The following ZFHX4 variants were observed in gnomAD, a reference collection of about 807,000 sequenced individuals.
ZFHX4 encodes the protein zinc finger homeobox protein 4.
In ZFHX4, 56 loss-of-function variants were observed where a neutral mutation model predicts 267.6. The observed-to-expected ratio is 0.21, with a 90% CI of 0.17 to 0.26. The LOEUF (loss-of-function observed/expected upper bound fraction) is 0.26. Ranked by LOEUF, ZFHX4 falls within the 10% of genes least tolerant of loss-of-function variation. The probability of loss-of-function intolerance (pLI) is 1.00; values close to 1 mark genes in which losing one functional copy is unlikely to be tolerated. For missense variants in ZFHX4, 4,332 were observed against 4,420.0 expected (o/e 0.98, Z 0.56); for synonymous variants, 1,778 against 1,665.6 (o/e 1.07, Z -1.64).
chr8:76,864,285 A>C lies in ZFHX4; in HGVS notation c.10571A>C (p.Lys3524Thr). 6.2e-7 allele frequency: 1 copy of C among 1,613,868 alleles called. No homozygotes were observed. Among genetic ancestry groups the C allele is most frequent in the South Asian group, 1.1e-5 (1 of 91,084 alleles). ...CCTCATCTTTCTTGCTTCTCCATGA[A>C]GTCCTGGCCTAATATCCTTTTCCAA... ...TYPHLSCFSMKSWPNILFQAS... is the reference protein window; with the variant it reads ...TYPHLSCFSMTSWPNILFQAS... The change falls in exon 11 of 11, where the codon AAG becomes ACG. Residue 3524 changes from lysine to threonine, a missense_variant. Physicochemically the swap from Lys to Thr is moderately conservative, Grantham distance 78 (BLOSUM62 -1). Transcript: ENST00000651372.
intron 3 of ZFHX4, among the ~76,000 whole-genome samples, chr8:76,774,975 C>T (rs1237238728): frequency 6.6e-6 from 1 of 152,006 alleles, no homozygotes; most frequent in African/African-American, 2.4e-5. Context: ...ATTTGCCTGA[C>T]TTGGGAGATA....
At chr8:76,719,371 G>T (rs1437096239) in intron 3 of ZFHX4, among the ~76,000 whole-genome samples, 2 of 151,986 alleles carry the variant, frequency 1.3e-5, no homozygotes, top group Non-Finnish European at 2.9e-5. Flanking sequence ...ATGATGTTGT[G>T]CAAGACTCGT....
At position 76,706,570 on chromosome 8, in the gene ZFHX4, A is replaced by C. The variant is rs1352993042; in HGVS notation, c.2482A>C (p.Asn828His). Residue 828 changes from asparagine (N) to histidine (H), a missense_variant, in exon 2 of 11, where the codon AAC becomes CAC. By Grantham distance (68) the Asn-to-His change is moderately conservative. Transcript: ENST00000651372. ...AELYQYYLAQ[N>H]IGLTGMKLEN... The stretch of plus-strand genomic sequence containing the variant: ...GCTTTATCAGTACTACCTAGCCCAG[A>C]ACATAGGCCTGACCGGAATGAAGCT... 1.2e-6 allele frequency: 2 copies of C among 1,612,146 alleles called. No individual in the cohort carries two copies. The highest frequency in any genetic ancestry group is 1.7e-5 in the Admixed American group (1 of 59,858).
chr8:76,686,840 A>G (rs923354462), intron 1 of ZFHX4, among the ~76,000 whole-genome samples: 2 of 152,040 alleles, frequency 1.3e-5, no homozygotes, highest in African/African-American at 4.8e-5. Context: ...ATGTTCTGTC[A>G]TTGTTGCTAG....
At chr8:76,817,979 G>C (rs75195726) in intron 4 of ZFHX4, among the ~76,000 whole-genome samples, 147 of 152,296 alleles carry the variant, frequency 9.7e-4, no homozygotes, top group African/African-American at 3.4e-3. Context: ...TTAGCATTTG[G>C]CCTGGGGCTG....
Position 76,707,547 on chromosome 8 carries a change from A to C in ZFHX4, c.2592A>C (p.Val864=). 1 of 1,556,606 alleles carries C rather than the reference A, an allele frequency of 6.4e-7. No homozygotes were observed. The highest frequency in any genetic ancestry group is 8.7e-7 in the Non-Finnish European group (1 of 1,150,992). ...CCTTTTAATTTTTTTTTCCTGTAGT[A>C]AATAATGAGCTGCCGCCTGAAATCC... ...ATAAALAPGL[V]NNELPPEIRL... Residue 864 remains valine (V), a splice_region_variant and synonymous_variant, in exon 3 of 11, where the codon GTA becomes GTC. Coordinates refer to ENST00000651372, the MANE Select transcript of ZFHX4 (RefSeq NM_024721.5).
At chr8:76,801,914 T>A (rs1563530685) in intron 4 of ZFHX4, among the ~76,000 whole-genome samples, 1 of 152,148 alleles carries the variant, frequency 6.6e-6, no homozygotes, top group Non-Finnish European at 1.5e-5. Context: ...TTTGTTCTTG[T>A]GCAGGTTAAT....
At chr8:76,860,465 T>G (rs1812836934) in intron 10 of ZFHX4, among the ~76,000 whole-genome samples, 2 of 152,106 alleles carry the variant, frequency 1.3e-5, no homozygotes, top group African/African-American at 4.8e-5. Context: ...CCATCTTGCT[T>G]TCTAACCACA....
At chr8:76,682,760 G>A (rs1807575486) in intron 1 of ZFHX4, 1 of 152,408 alleles carries the variant, frequency 6.6e-6, no homozygotes, top group South Asian at 2.1e-4. Flanking sequence ...CCCTAAAAGG[G>A]TTCCATGCCT....
intron 3 of ZFHX4, among the ~76,000 whole-genome samples, chr8:76,771,265 TTGAG>T (rs1210809427): frequency 6.6e-6 from 1 of 152,158 alleles, no homozygotes; most frequent in Non-Finnish European, 1.5e-5. Flanking sequence ...ACTTATTTAT[TTGAG>T]TGTTATATTT....
Position 76,852,101 on chromosome 8 carries a change from A to T in ZFHX4, c.5180A>T (p.Glu1727Val). The T allele has an allele frequency of 6.2e-7, 1 of 1,613,926 alleles. No individual in the cohort carries two copies. The highest frequency in any genetic ancestry group is 8.5e-7 in the Non-Finnish European group (1 of 1,179,870). The change falls in exon 10 of 11, where the codon GAA (glutamate) becomes GTA (valine). Residue 1727 changes from glutamate to valine, a missense_variant. Coordinates refer to ENST00000651372, the MANE Select transcript of ZFHX4 (RefSeq NM_024721.5). The stretch of plus-strand genomic sequence containing the variant: ...TTGCCTCATTTTCCTATGACCCCAG[A>T]AGCACTGCTGCAGTTTCAGCAGCCT... ...AFLPHFPMTP[E>V]ALLQFQQPQF... is the part of the protein sequence containing the mutation.
Position 76,716,904 on chromosome 8 carries a change from A to T in ZFHX4, c.3093+8856A>T, listed in dbSNP as rs1253397903. Among the ~76,000 whole-genome samples the T allele has an allele frequency of 2.6e-5, 4 of 152,310 alleles. No homozygotes were observed. The East Asian group carries it at 7.7e-4, about 29-fold the overall frequency. On this transcript the variant is annotated intron_variant, in intron 3 of 10. Transcript: ENST00000651372. ...GAATATTTATCACTTCTAGTGCCTG[A>T]GCTCTCAGTGTTTGCAAGTTAAGCA...
intron 4 of ZFHX4, among the ~76,000 whole-genome samples, chr8:76,811,029 G>C (rs755335869): frequency 2.0e-5 from 3 of 152,140 alleles, no homozygotes; most frequent in Non-Finnish European, 4.4e-5. Flanking sequence ...CTGGTGGGAA[G>C]CAGTATATAT....
intron 1 of ZFHX4, among the ~76,000 whole-genome samples, chr8:76,699,154 A>C (rs1015274541): frequency 2.0e-5 from 3 of 152,142 alleles, no homozygotes; most frequent in Non-Finnish European, 4.4e-5. Flanking sequence ...ACAAACATTA[A>C]CTACGCAGAT....
At chr8:76,777,934 T>C (rs1043892819) in intron 3 of ZFHX4, among the ~76,000 whole-genome samples, 16 of 151,954 alleles carry the variant, frequency 1.1e-4, no homozygotes, top group African/African-American at 3.6e-4. Context: ...AAGACTCAAT[T>C]TTCTTTGCAT....
chr8:76,708,966 T>G (rs1808351602), intron 3 of ZFHX4, among the ~76,000 whole-genome samples: 1 of 152,204 alleles, frequency 6.6e-6, no homozygotes, highest in South Asian at 2.1e-4. Flanking sequence ...CATTAGTCAT[T>G]GTAACAAGCT....
intron 3 of ZFHX4, among the ~76,000 whole-genome samples, chr8:76,740,633 C>G (rs903879287): frequency 2.6e-5 from 4 of 152,022 alleles, no homozygotes; most frequent in African/African-American, 9.7e-5. Context: ...AAAGATTTTT[C>G]TGAAATAAAA....
intron 3 of ZFHX4, among the ~76,000 whole-genome samples, chr8:76,758,934 C>T (rs890054741): frequency 6.6e-6 from 1 of 152,126 alleles, no homozygotes; most frequent in Non-Finnish European, 1.5e-5. Context: ...ATGTGAAATA[C>T]ATCTGGGAAT....
Position 76,853,085 on chromosome 8 carries a change from C to A in ZFHX4, c.6164C>A (p.Pro2055His), listed in dbSNP as rs866636748. 3 of 1,389,194 alleles carry A rather than the reference C, an allele frequency of 2.2e-6. No homozygotes were observed. Among genetic ancestry groups the A allele is most frequent in the Non-Finnish European group, 3.0e-6 (3 of 1,010,072 alleles). The allele number at this position is 1,389,194 out of a possible 1,614,324, so 86.1% of individuals were successfully genotyped here. ...CCACCTCCTCCTCCTCCTCCTCCTC[C>A]CCCCCCACCTCCTCCACCTTCTGCT... ...PPPPPPPPPPPPPPPPPSAPP... is the reference protein window; with the variant it reads ...PPPPPPPPPPHPPPPPPSAPP... The change falls in exon 10 of 11, where the codon CCC becomes CAC. Residue 2055 changes from proline (P) to histidine (H), a missense_variant. Coordinates refer to ENST00000651372, the MANE Select transcript of ZFHX4 (RefSeq NM_024721.5).
Sources: gnomAD v4.1 joint callset for allele counts (sites outside exome capture counted in the v4.1 genomes callset) on GRCh38, gnomAD v4.1.1 for gene constraint, MANE v1.5 for transcripts, NCBI Gene and HGNC (gene_info 2026-07-23, HGNC 2026-07-21) for gene names.